Variants in FRMD4B observed in about 807,000 individuals in gnomAD.
FRMD4B encodes FERM domain containing 4B.
FRMD4B carries 74 observed loss-of-function variants against 141.5 expected under a neutral mutation model. The ratio of observed to expected loss-of-function variants is 0.52; its 90% CI spans 0.43 to 0.63. The LOEUF (loss-of-function observed/expected upper bound fraction) is 0.63. FRMD4B is among the 30% of genes least tolerant of loss of function. The pLI, the probability that FRMD4B is intolerant of heterozygous loss-of-function variation, is 0.00. For missense variants in FRMD4B, 1,366 were observed against 1,253.4 expected (o/e 1.09, Z -1.36); for synonymous variants, 506 against 467.9 (o/e 1.08, Z -1.05).
chr3:69,348,770 G>C lies in FRMD4B; in HGVS notation c.163-35253C>G, dbSNP rs767194318. Among the ~76,000 whole-genome samples, 26 of 152,172 alleles carry C rather than the reference G, an allele frequency of 1.7e-4. 1 individual carries two copies. The highest frequency in any genetic ancestry group is 8.8e-5 in the Non-Finnish European group (6 of 68,032). On this transcript the variant is annotated intron_variant, in intron 1 of 22. Transcript: ENST00000398540. Reference sequence around the variant, plus strand: ...CTCAATAGATGCAGAAAACGCCTTTGACAAAATTCAACAGCCCTTTATGCT... The same window carrying C: ...CTCAATAGATGCAGAAAACGCCTTTCACAAAATTCAACAGCCCTTTATGCT...
intron 6 of FRMD4B, among the ~76,000 whole-genome samples, 182 bp downstream of exon 6, chr3:69,249,861 T>C (rs1340151116): frequency 6.6e-6 from 1 of 152,238 alleles, no homozygotes; most frequent in Non-Finnish European, 1.5e-5. Context: ...CAATATCACA[T>C]TGTAGCTCAT....
intron 1 of FRMD4B, among the ~76,000 whole-genome samples, chr3:69,490,975 T>C (rs1706293660): frequency 6.6e-6 from 1 of 152,202 alleles, no homozygotes; most frequent in Non-Finnish European, 1.5e-5. Context: ...AATTTTTTGA[T>C]GCTAAAAACC....
intron 11 of FRMD4B, among the ~76,000 whole-genome samples, chr3:69,209,622 C>A (rs1016508926): frequency 1.3e-5 from 2 of 152,190 alleles, no homozygotes; most frequent in African/African-American, 4.8e-5. Context: ...TATTTCAAAT[C>A]CATGCTGTAG....
At chr3:69,453,141 G>A (rs1348615068) in intron 1 of FRMD4B, among the ~76,000 whole-genome samples, 1 of 152,192 alleles carries the variant, frequency 6.6e-6, no homozygotes, top group East Asian at 1.9e-4. Flanking sequence ...GACACAGGCA[G>A]TCAGGTGGGC....
intron 1 of FRMD4B, among the ~76,000 whole-genome samples, chr3:69,467,759 T>A (rs1354219682): frequency 6.6e-6 from 1 of 152,164 alleles, no homozygotes; most frequent in African/African-American, 2.4e-5. Flanking sequence ...AAGCACCACA[T>A]TCTCCTGATC....
chr3:69,329,455 T>C (rs961041416), intron 1 of FRMD4B, among the ~76,000 whole-genome samples: 1 of 151,402 alleles, frequency 6.6e-6, no homozygotes, highest in Non-Finnish European at 1.5e-5. Context: ...GTTCAAGCAA[T>C]TCTCCTACCT....
chr3:69,475,722 A>C (rs889563293), intron 1 of FRMD4B, among the ~76,000 whole-genome samples: 2 of 151,738 alleles, frequency 1.3e-5, no homozygotes, highest in Non-Finnish European at 2.9e-5. Context: ...GTATATACCC[A>C]GTAATGGGAT....
intron 7 of FRMD4B, among the ~76,000 whole-genome samples, chr3:69,226,295 G>T (rs959155888): frequency 1.3e-4 from 20 of 152,020 alleles, no homozygotes; most frequent in African/African-American, 4.8e-4. Context: ...TTGGGAAACT[G>T]GTTTGTGCTT....
chr3:69,283,663 C>A (rs949341497), intron 5 of FRMD4B, among the ~76,000 whole-genome samples: 1 of 152,092 alleles, frequency 6.6e-6, no homozygotes, highest in Non-Finnish European at 1.5e-5. Context: ...TTACAAGGAG[C>A]GATTGTATGT....
intron 1 of FRMD4B, among the ~76,000 whole-genome samples, chr3:69,435,809 G>A (rs1026581598): frequency 4.6e-5 from 7 of 152,164 alleles, no homozygotes; most frequent in Admixed American, 2.6e-4. Flanking sequence ...ACTGTGTATA[G>A]TCAAAATGAA....
At chr3:69,463,148 C>T (rs778073426) in intron 1 of FRMD4B, among the ~76,000 whole-genome samples, 27 of 152,320 alleles carry the variant, frequency 1.8e-4, no homozygotes, top group South Asian at 6.2e-4. Flanking sequence ...CTAGAGCAAC[C>T]ATCAGCCCAG....
At chr3:69,194,643 C>G (rs1180867345) in intron 16 of FRMD4B, among the ~76,000 whole-genome samples, 2 of 152,060 alleles carry the variant, frequency 1.3e-5, no homozygotes, top group African/African-American at 4.8e-5. Context: ...CAATCATTAC[C>G]CCCATTTTAC....
At chr3:69,284,202 A>T (rs2093656956) in intron 5 of FRMD4B, among the ~76,000 whole-genome samples, 1 of 152,102 alleles carries the variant, frequency 6.6e-6, no homozygotes, top group South Asian at 2.1e-4. Context: ...AATGAATAGA[A>T]TTTGCAGAAC....
chr3:69,241,129 C>T (rs2093379594), intron 7 of FRMD4B, among the ~76,000 whole-genome samples: 1 of 152,172 alleles, frequency 6.6e-6, no homozygotes, highest in Non-Finnish European at 1.5e-5. Context: ...GTGTTAGTAA[C>T]TGTCTAAAGA....
chr3:69,204,893 C>A (rs2093007910), intron 11 of FRMD4B, among the ~76,000 whole-genome samples: 1 of 151,950 alleles, frequency 6.6e-6, no homozygotes, highest in Non-Finnish European at 1.5e-5. Context: ...AAAACTGAGG[C>A]TCAGAGAGGT....
At chr3:69,291,910 CTTTTTTTTT>C (rs35703345) in intron 4 of FRMD4B, among the ~76,000 whole-genome samples, 268 of 105,498 alleles carry the variant, frequency 2.5e-3, no homozygotes, top group African/African-American at 8.6e-3. Context: ...ACAGGAATCT[CTTTTTTTTT>C]TTTTTTTTTT....
At chr3:69,211,702 C>A (rs2093081637) in intron 11 of FRMD4B, among the ~76,000 whole-genome samples, 1 of 152,154 alleles carries the variant, frequency 6.6e-6, no homozygotes, top group Non-Finnish European at 1.5e-5. Context: ...AGGCTGAGCA[C>A]CTTAAGGCCT....
intron 2 of FRMD4B, among the ~76,000 whole-genome samples, chr3:69,400,699 C>T (rs539689827): frequency 5.3e-5 from 8 of 152,188 alleles, no homozygotes; most frequent in Non-Finnish European, 1.2e-4. Context: ...AATGACTTAC[C>T]TTACTCTTAA....
intron 1 of FRMD4B, among the ~76,000 whole-genome samples, chr3:69,456,590 C>T (rs1466074556): frequency 6.6e-6 from 1 of 152,132 alleles, no homozygotes; most frequent in Non-Finnish European, 1.5e-5. Context: ...ATCGTGTCTC[C>T]TGCAGTAAAC....
Sources: gnomAD v4.1 joint callset for allele counts (sites outside exome capture counted in the v4.1 genomes callset) on GRCh38, gnomAD v4.1.1 for gene constraint, MANE v1.5 for transcripts, NCBI Gene and HGNC (gene_info 2026-07-23, HGNC 2026-07-21) for gene names.